The following RNF114 variants were observed in gnomAD, a reference collection of about 807,000 sequenced individuals.
RNF114 encodes ring finger protein 114.
Under a neutral mutation model 28.4 loss-of-function variants are expected in RNF114, and 6 were observed. That is an observed-to-expected ratio of 0.21 (90% confidence interval 0.12 to 0.42). The LOEUF (loss-of-function observed/expected upper bound fraction) is 0.42, where lower values mean the gene tolerates loss of function less well. Among genes scored for constraint, RNF114 ranks in the 10% least tolerant of loss-of-function variants. RNF114 has a pLI of 1.00. For synonymous variants in RNF114, 115 were observed against 116.7 expected, an observed-to-expected ratio of 0.99 and a Z score of 0.09; for missense variants, 249 against 311.7, an observed-to-expected ratio of 0.80 and a Z score of 1.51.
At chr20:49,943,868 A>G (rs1434446476) in intron 2 of RNF114, 2 of 68,330 alleles carry the variant, frequency 2.9e-5, no homozygotes, top group Non-Finnish European at 5.8e-5. Context: ...ATACATACAC[A>G]CAGAGATATA....
At position 49,945,446 on chromosome 20, in the gene RNF114, A is replaced by G. The variant is rs755667717; in HGVS notation, c.356A>G (p.Glu119Gly). 1 of 1,613,198 alleles carries G rather than the reference A, an allele frequency of 6.2e-7. No individual in the cohort carries two copies. Among genetic ancestry groups the G allele is most frequent in the East Asian group, 2.2e-5 (1 of 44,880 alleles). ...TCSKYQNYIM[E>G]GVKATIKDAS... ...TCCAAATACCAGAATTACATCATGG[A>G]AGGTGTGAAGGCCACCATTAAGGAT... is the stretch of plus-strand genomic sequence containing the variant. The change falls in exon 3 of 6, where the codon GAA becomes GGA. Residue 119 changes from glutamate to glycine, a missense_variant. Around this residue, in one of 2 missense-constraint regions of RNF114, gnomAD observed 126 missense variants for 205.3 expected, o/e 0.61. Coordinates refer to ENST00000244061, the MANE Select transcript of RNF114 (RefSeq NM_018683.4).
At position 49,936,404 on chromosome 20, in the gene RNF114, G is replaced by C. The variant is rs1285366249; in HGVS notation, c.-9G>C. ...CGGCCGCCGTTGCGCGGCGCAGAGCGGCAGCAAGATGGCGGCGCAACAGCG... is the reference window on the plus strand; with the variant it reads ...CGGCCGCCGTTGCGCGGCGCAGAGCCGCAGCAAGATGGCGGCGCAACAGCG... On this transcript the variant is annotated 5_prime_UTR_variant, in exon 1 of 6. Transcript: ENST00000244061. The C allele has an allele frequency of 4.7e-6, 7 of 1,498,414 alleles. No individual in the cohort carries two copies. The highest frequency in any genetic ancestry group is 2.3e-5 in the Admixed American group (1 of 43,478). The allele number at this position is 1,498,414 out of a possible 1,614,324, so 92.8% of individuals were successfully genotyped here.
chr20:49,947,230 C>G (rs199800560), intron 4 of RNF114, among the ~76,000 whole-genome samples: 6,210 of 20,952 alleles, frequency 0.3, 912 homozygotes, highest in East Asian at 0.51. Context: ...CCCCCCCCCC[C>G]CCCCCCAAAA....
chr20:49,947,769 GTTTTTTTTTTTTTTTTTTTTTTTT>G (rs71190519), intron 4 of RNF114, among the ~76,000 whole-genome samples: 1 of 50,422 alleles, frequency 2.0e-5, no homozygotes, highest in Non-Finnish European at 3.5e-5. Flanking sequence ...CCCTCTGCAA[GTTTTTTTTTTTTTTTTTTTTTTTT>G]TTTTTTTTTT....
intron 2 of RNF114, among the ~76,000 whole-genome samples, chr20:49,942,202 T>C (rs777837503): frequency 7.9e-5 from 12 of 152,080 alleles, no homozygotes; most frequent in Admixed American, 7.2e-4. Context: ...GGGATTACAG[T>C]GATCTATGAT....
intron 1 of RNF114, 112 bp from the exon 2 acceptor site, chr20:49,941,449 A>T: frequency 8.4e-7 from 1 of 1,197,340 alleles, no homozygotes; most frequent in Non-Finnish European, 1.2e-6. Flanking sequence ...GGGAGGAGAG[A>T]GCAAGTTGTT....
chr20:49,945,309 CCTT>C, intron 2 of RNF114, 70 bp from the exon 3 acceptor site: 2 of 858,344 alleles, frequency 2.3e-6, no homozygotes, highest in Non-Finnish European at 3.9e-6. Context: ...TTCTTTGTGC[CCTT>C]GTTTGGGACT....
At chr20:49,945,553 G>A (rs200624653) in intron 3 of RNF114, 65 bp downstream of exon 3, 1 of 250,116 alleles carries the variant, frequency 4.0e-6, no homozygotes, top group Non-Finnish European at 6.6e-6. Context: ...GAGGTTGCAT[G>A]CCCAGGGGTT....
Position 49,952,354 on chromosome 20 carries a change from A to T in RNF114, c.*213A>T. 1 of 554,294 alleles carries T rather than the reference A, an allele frequency of 1.8e-6. No homozygotes were observed. The highest frequency in any genetic ancestry group is 3.3e-6 in the Non-Finnish European group (1 of 307,048). The allele number at this position is 554,294 out of a possible 1,614,324, so 34.3% of individuals were successfully genotyped here. A position where few individuals can be genotyped will look rare whatever the true frequency, so the allele number is the denominator to read the frequency against. On this transcript the variant is annotated 3_prime_UTR_variant, in exon 6 of 6. Transcript: ENST00000244061. ...CCAAAGCTGTCTTCCCCTACTGTTAACCTTGTTTGTCACACGGTCGAGTTC... is the reference window on the plus strand; with the variant it reads ...CCAAAGCTGTCTTCCCCTACTGTTATCCTTGTTTGTCACACGGTCGAGTTC...
rs374603770 is a variant in RNF114 at position 49,952,208 on chromosome 20, A to G, written c.*67A>G. The G allele has an allele frequency of 1.8e-5, 24 of 1,365,948 alleles. No individual in the cohort carries two copies. The highest frequency in any genetic ancestry group is 2.1e-5 in the Non-Finnish European group (20 of 953,836). 84.6% of individuals were successfully genotyped at this position (1,365,948 alleles called of 1,614,324 possible). A position where few individuals can be genotyped will look rare whatever the true frequency, so the allele number is the denominator to read the frequency against. Reference sequence around the variant, plus strand: ...CCATTACATATTAAACGTGAAATCTATGACTCCTGTACCTTACCTGTTCAA... The same window carrying G: ...CCATTACATATTAAACGTGAAATCTGTGACTCCTGTACCTTACCTGTTCAA... On this transcript the variant is annotated 3_prime_UTR_variant, in exon 6 of 6. Coordinates refer to ENST00000244061, the MANE Select transcript of RNF114 (RefSeq NM_018683.4).
intron 1 of RNF114, among the ~76,000 whole-genome samples, chr20:49,939,363 T>G (rs1355722067): frequency 6.6e-6 from 1 of 152,200 alleles, no homozygotes. Context: ...AACATCTAAC[T>G]TAATGACAAG....
chr20:49,948,712 C>T (rs766365837), intron 4 of RNF114, among the ~76,000 whole-genome samples: 6 of 152,192 alleles, frequency 3.9e-5, no homozygotes, highest in Admixed American at 1.3e-4. Flanking sequence ...GCTGGGATTA[C>T]AAGTGTGAGC....
At chr20:49,945,340 AG>A in intron 2 of RNF114, 41 bp from the exon 3 acceptor site, 1 of 1,311,616 alleles carries the variant, frequency 7.6e-7, no homozygotes, top group Non-Finnish European at 1.1e-6. Context: ...GCCTGTTGCA[AG>A]GTCCTCACTA....
chr20:49,949,362 C>A lies in RNF114; in HGVS notation c.621+7C>A. 2 of 1,610,910 alleles carry A rather than the reference C, an allele frequency of 1.2e-6. No homozygotes were observed. The highest frequency in any genetic ancestry group is 2.2e-5 in the South Asian group (2 of 90,980). ...TTCTTATGACACTTTTGTGGTAAGT[C>A]TGGAGCCTGGGCTCTGATCCCTCCC... is the stretch of plus-strand genomic sequence containing the variant. On this transcript the variant is annotated splice_region_variant and intron_variant, in intron 5 of 5. Transcript: ENST00000244061.
intron 5 of RNF114, among the ~76,000 whole-genome samples, chr20:49,951,303 C>T (rs957584535): frequency 1.2e-4 from 18 of 150,890 alleles, no homozygotes; most frequent in South Asian, 4.2e-4. Flanking sequence ...ATCTGTGTCA[C>T]ATTAACAAAA....
At chr20:49,947,702 T>C (rs1261205042) in intron 4 of RNF114, among the ~76,000 whole-genome samples, 1 of 151,320 alleles carries the variant, frequency 6.6e-6, no homozygotes, top group Non-Finnish European at 1.5e-5. Context: ...CCTCTGATTA[T>C]GTTGTCTATG....
chr20:49,942,359 C>G (rs2090311138), intron 2 of RNF114, among the ~76,000 whole-genome samples: 1 of 152,188 alleles, frequency 6.6e-6, no homozygotes, highest in Admixed American at 6.5e-5. Flanking sequence ...TATTTATTTT[C>G]ATACCTGTTA....
At chr20:49,946,285 T>G in intron 4 of RNF114, 35 bp downstream of exon 4, 1 of 1,113,110 alleles carries the variant, frequency 9.0e-7, no homozygotes, top group East Asian at 2.4e-5. Flanking sequence ...TAAACTTCAT[T>G]AAGGGAAAGG....
rs926602857 is a variant in RNF114, at chr20:49,936,432, A to T, written c.20A>T (p.Asp7Val). Residue 7 changes from aspartate (D) to valine (V), a missense_variant, in exon 1 of 6, where the codon GAC becomes GTC. Asp to Val is a radical substitution (Grantham distance 152, BLOSUM62 -3). Coordinates refer to ENST00000244061, the MANE Select transcript of RNF114 (RefSeq NM_018683.4). MAAQQRDCGGAAQLAGP... is the reference protein window; with the variant it reads MAAQQRVCGGAAQLAGP... ...AGCAAGATGGCGGCGCAACAGCGGG[A>T]CTGCGGGGGTGCTGCGCAGCTGGCG... is the stretch of plus-strand genomic sequence containing the variant. The T allele has an allele frequency of 1.6e-5, 25 of 1,530,578 alleles. No homozygotes were observed. In the East Asian group the frequency reaches 4.0e-4, roughly 24 times the overall value. The allele number at this position is 1,530,578 out of a possible 1,614,324, so 94.8% of individuals were successfully genotyped here. A position where few individuals can be genotyped will look rare whatever the true frequency, so the allele number is the denominator to read the frequency against.
Sources: gnomAD v4.1 joint callset for allele counts (sites outside exome capture counted in the v4.1 genomes callset) on GRCh38, gnomAD v4.1.1 for gene constraint, gnomAD v4.1.1 regional missense constraint, MANE v1.5 for transcripts, NCBI Gene and HGNC (gene_info 2026-07-23, HGNC 2026-07-21) for gene names.